Variants in THEMIS observed in about 807,000 individuals in gnomAD.
The protein encoded by THEMIS is protein THEMIS.
A neutral mutation model predicts 52.6 loss-of-function variants in THEMIS; 37 were observed. That is an observed-to-expected ratio of 0.70 (90% CI 0.54 to 0.93). The LOEUF is 0.93. THEMIS is among the 40% of genes least tolerant of loss of function. The pLI, the probability that THEMIS is intolerant of heterozygous loss-of-function variation, is 0.00. For missense variants in THEMIS, 808 were observed against 763.1 expected (o/e 1.06, Z -0.69); for synonymous variants, 292 against 272.7 (o/e 1.07, Z -0.70).
At chr6:127,887,356 C>A (rs1446429189) in intron 1 of THEMIS, among the ~76,000 whole-genome samples, 1 of 151,992 alleles carries the variant, frequency 6.6e-6, no homozygotes, top group Non-Finnish European at 1.5e-5. Flanking sequence ...GGAGAAAATA[C>A]CAAGTCTTAG....
chr6:127,846,665 A>G (rs1308305144), intron 2 of THEMIS, among the ~76,000 whole-genome samples: 1 of 151,866 alleles, frequency 6.6e-6, no homozygotes, highest in Non-Finnish European at 1.5e-5. Context: ...CAACCAAAAA[A>G]AGCCCAGGGC....
chr6:127,858,639 T>C (rs1397210897), intron 1 of THEMIS, among the ~76,000 whole-genome samples: 2 of 152,292 alleles, frequency 1.3e-5, no homozygotes, highest in East Asian at 3.9e-4. Context: ...ATATGTGTAA[T>C]TGCTTTTAAA....
At chr6:127,721,446 A>C (rs1774359026) in intron 4 of THEMIS, among the ~76,000 whole-genome samples, 1 of 152,074 alleles carries the variant, frequency 6.6e-6, no homozygotes, top group South Asian at 2.1e-4. Flanking sequence ...CAAATTATTC[A>C]AACACAATTT....
intron 4 of THEMIS, among the ~76,000 whole-genome samples, chr6:127,727,624 A>G (rs1244747687): frequency 6.6e-6 from 1 of 152,162 alleles, no homozygotes; most frequent in Non-Finnish European, 1.5e-5. Context: ...TGTCCTGGCA[A>G]TCTGATTTAA....
chr6:127,709,365 G>A lies in THEMIS; in HGVS notation c.*620C>T, dbSNP rs1773897040. On this transcript the variant is annotated 3_prime_UTR_variant, in exon 6 of 6. Transcript: ENST00000368248. ...GTTGGGTCATAGAAGAGAAGGTTAT[G>A]GAAAACTCCTATGACTCTCAATGGC... 6.6e-6 allele frequency: 1 copy of A among 151,922 alleles called. No individual in the cohort carries two copies. Among genetic ancestry groups the A allele is most frequent in the Non-Finnish European group, 1.5e-5 (1 of 67,918 alleles). 9.4% of individuals were successfully genotyped at this position (151,922 alleles called of 1,614,324 possible). A position where few individuals can be genotyped will look rare whatever the true frequency, so the allele number is the denominator to read the frequency against.
chr6:127,794,865 C>T (rs1287421544), intron 4 of THEMIS, among the ~76,000 whole-genome samples: 1 of 152,076 alleles, frequency 6.6e-6, no homozygotes, highest in Non-Finnish European at 1.5e-5. Flanking sequence ...TCATTTACTT[C>T]CAAGACAAAG....
intron 4 of THEMIS, among the ~76,000 whole-genome samples, chr6:127,725,310 T>C (rs2092569709): frequency 6.6e-6 from 1 of 152,026 alleles, no homozygotes; most frequent in South Asian, 2.1e-4. Context: ...ACAATGACAA[T>C]AATTCAGAGA....
At chr6:127,898,135 G>A (rs906434433) in intron 1 of THEMIS, among the ~76,000 whole-genome samples, 1 of 151,660 alleles carries the variant, frequency 6.6e-6, no homozygotes, top group Non-Finnish European at 1.5e-5. Flanking sequence ...GCACAGGATA[G>A]GGCTTCTGGA....
chr6:127,768,785 G>A (rs971726882), intron 4 of THEMIS, among the ~76,000 whole-genome samples: 1 of 152,144 alleles, frequency 6.6e-6, no homozygotes, highest in Admixed American at 6.5e-5. Context: ...CAGTTACCTC[G>A]ATGTAGCTGG....
chr6:127,838,153 T>C (rs1778932192), intron 2 of THEMIS, among the ~76,000 whole-genome samples: 1 of 152,080 alleles, frequency 6.6e-6, no homozygotes, highest in South Asian at 2.1e-4. Context: ...GCATAAGATG[T>C]AGATGGAATT....
intron 2 of THEMIS, among the ~76,000 whole-genome samples, chr6:127,850,096 T>G (rs1779368685): frequency 6.6e-6 from 1 of 151,952 alleles, no homozygotes. Flanking sequence ...CAGCTATTTC[T>G]CAAAAGACTA....
intron 4 of THEMIS, among the ~76,000 whole-genome samples, chr6:127,775,230 G>A (rs1480651869): frequency 6.6e-6 from 1 of 152,186 alleles, no homozygotes; most frequent in Non-Finnish European, 1.5e-5. Context: ...ATAAGAAGTT[G>A]GGGACGCAAA....
In THEMIS at chr6:127,813,239, T is replaced by C. The variant is rs761199506; in HGVS notation, c.1402A>G (p.Ile468Val). Residue 468 changes from isoleucine to valine, a missense_variant, in exon 4 of 6, where the codon ATT (isoleucine) becomes GTT (valine). By Grantham distance (29) the Ile-to-Val change is conservative. Transcript: ENST00000368248. ...GTGGCAGCCAACACGTCCTCTTCAA[T>C]GGAAAGATCCCTGACAGACACCTTC... ...NVKVSVRDLS[I>V]EEDVLAATPG... 2 of 1,614,074 alleles carry C rather than the reference T, an allele frequency of 1.2e-6. No homozygotes were observed. The highest frequency in any genetic ancestry group is 1.7e-5 in the Admixed American group (1 of 59,986).
At chr6:127,698,285 GA>G in the THEMIS span, among the ~76,000 whole-genome samples, 1 of 152,052 alleles carries the variant, frequency 6.6e-6, no homozygotes, top group Non-Finnish European at 1.5e-5. Flanking sequence ...TCTTGATATG[GA>G]AAATAGAGTA....
chr6:127,721,761 G>A (rs776020180), intron 4 of THEMIS, among the ~76,000 whole-genome samples: 6 of 151,934 alleles, frequency 3.9e-5, no homozygotes, highest in Non-Finnish European at 7.4e-5. Flanking sequence ...TCCTGATTCT[G>A]AATTACATAC....
At chr6:127,776,509 G>A (rs948675052) in intron 4 of THEMIS, among the ~76,000 whole-genome samples, 11 of 152,140 alleles carry the variant, frequency 7.2e-5, no homozygotes, top group Non-Finnish European at 1.6e-4. Context: ...GCCCCAAGGC[G>A]GGTGAATTAC....
At chr6:127,901,157 G>C, upstream of THEMIS, 1 of 570,142 alleles carries the variant, frequency 1.8e-6, no homozygotes, top group African/African-American at 1.9e-5. Flanking sequence ...TGTTCACATT[G>C]TGGCTTCATT....
chr6:127,802,293 C>A (rs1415954776), intron 4 of THEMIS, among the ~76,000 whole-genome samples: 1 of 152,170 alleles, frequency 6.6e-6, no homozygotes. Context: ...ATGAGGGCAG[C>A]ACCTGCATCT....
intron 4 of THEMIS, among the ~76,000 whole-genome samples, chr6:127,751,001 T>A (rs913360882): frequency 3.3e-5 from 5 of 151,754 alleles, no homozygotes; most frequent in African/African-American, 1.2e-4. Context: ...AGAATGCTAA[T>A]TAGCAACATG....
Sources: gnomAD v4.1 joint callset for allele counts (sites outside exome capture counted in the v4.1 genomes callset) on GRCh38, gnomAD v4.1.1 for gene constraint, MANE v1.5 for transcripts, NCBI Gene and HGNC (gene_info 2026-07-23, HGNC 2026-07-21) for gene names.